The following DPP10 variants were observed in gnomAD, a reference collection of about 807,000 sequenced individuals.
DPP10 encodes the protein dipeptidyl peptidase like 10.
Under a neutral mutation model 120.9 loss-of-function variants are expected in DPP10, and 33 were observed. That is an observed-to-expected ratio of 0.27 (90% CI 0.21 to 0.37). The LOEUF is 0.37. Ranked by LOEUF, DPP10 falls within the 10% of genes least tolerant of loss-of-function variation. DPP10 has a pLI of 1.00. For synonymous variants in DPP10, 337 were observed against 326.1 expected, an observed-to-expected ratio of 1.03 and a Z score of -0.36; for missense variants, 816 against 942.8, an observed-to-expected ratio of 0.87 and a Z score of 1.76.
chr2:115,479,140 T>C (rs570263353), intron 3 of DPP10, among the ~76,000 whole-genome samples: 1 of 152,284 alleles, frequency 6.6e-6, no homozygotes, highest in Admixed American at 6.5e-5. Flanking sequence ...AAAGCTAAAA[T>C]GTGGAAGCAA....
At chr2:114,875,811 G>GAT (rs1411675087) in intron 1 of DPP10, among the ~76,000 whole-genome samples, 1 of 151,972 alleles carries the variant, frequency 6.6e-6, no homozygotes, top group Non-Finnish European at 1.5e-5. Context: ...AATTTAGAGA[G>GAT]ATACTTTAAT....
At chr2:115,731,856 A>G (rs945940493) in intron 8 of DPP10, among the ~76,000 whole-genome samples, 1 of 152,182 alleles carries the variant, frequency 6.6e-6, no homozygotes, top group African/African-American at 2.4e-5. Context: ...AAGGTTTGGC[A>G]GAGGGATGTA....
In DPP10 at chr2:115,490,513, C is replaced by T. The variant is rs115200718; in HGVS notation, c.272-8997C>T. 2.3e-4 allele frequency among the ~76,000 whole-genome samples: 35 copies of T among 152,220 alleles called. No individual in the cohort carries two copies. The East Asian group carries it at 5.6e-3, about 24-fold the overall frequency. ...ATATCAATGGTTTTACCTACAATTCCGATCTCCCTAAAATGTGTAAAACCA... is the reference window on the plus strand; with the variant it reads ...ATATCAATGGTTTTACCTACAATTCTGATCTCCCTAAAATGTGTAAAACCA... On this transcript the variant is annotated intron_variant, in intron 3 of 25. Coordinates refer to ENST00000410059, the MANE Select transcript of DPP10 (RefSeq NM_020868.6).
chr2:114,574,336 C>A (rs1306053344), intron 1 of DPP10, among the ~76,000 whole-genome samples: 1 of 152,152 alleles, frequency 6.6e-6, no homozygotes, highest in Admixed American at 6.5e-5. Flanking sequence ...CCCTCTCTAG[C>A]AGGGTCAGCA....
chr2:115,524,565 G>C (rs1480725551), intron 4 of DPP10, among the ~76,000 whole-genome samples: 1 of 152,006 alleles, frequency 6.6e-6, no homozygotes, highest in Non-Finnish European at 1.5e-5. Context: ...CATCACTTAG[G>C]CATGATTTAT....
At chr2:115,485,192 T>G (rs2075694021) in intron 3 of DPP10, among the ~76,000 whole-genome samples, 1 of 151,396 alleles carries the variant, frequency 6.6e-6, no homozygotes, top group African/African-American at 2.4e-5. Flanking sequence ...TCATCAGCAT[T>G]TTTTCTTAAT....
At chr2:114,649,300 C>T (rs78970971) in intron 1 of DPP10, among the ~76,000 whole-genome samples, 13,687 of 152,036 alleles carry the variant, frequency 0.09, 933 homozygotes, top group Admixed American at 0.2. Flanking sequence ...ACTTGGGTTT[C>T]GCCACCCCAG....
intron 7 of DPP10, among the ~76,000 whole-genome samples, chr2:115,724,430 A>G (rs1001658643): frequency 6.6e-6 from 1 of 152,220 alleles, no homozygotes; most frequent in African/African-American, 2.4e-5. Context: ...AATGAGCAAC[A>G]TTGACTAACA....
intron 5 of DPP10, among the ~76,000 whole-genome samples, chr2:115,578,385 A>AC (rs1245851499): frequency 1.3e-5 from 2 of 151,402 alleles, no homozygotes; most frequent in African/African-American, 4.9e-5. Context: ...CACACACACA[A>AC]CCCCCCACCC....
chr2:115,210,702 A>G (rs573796074), intron 1 of DPP10, among the ~76,000 whole-genome samples: 3 of 152,172 alleles, frequency 2.0e-5, no homozygotes, highest in Admixed American at 2.0e-4. Flanking sequence ...CTTTTTAATG[A>G]TCACCATTCT....
chr2:115,538,779 A>G (rs903065138), intron 5 of DPP10, among the ~76,000 whole-genome samples: 2 of 152,124 alleles, frequency 1.3e-5, no homozygotes, highest in South Asian at 2.1e-4. Flanking sequence ...CCGTGTGCCA[A>G]TACTGCAGTC....
chr2:115,383,289 A>C (rs905842884), intron 3 of DPP10, among the ~76,000 whole-genome samples: 2 of 152,178 alleles, frequency 1.3e-5, no homozygotes, highest in African/African-American at 4.8e-5. Flanking sequence ...TAAGTCTCAC[A>C]AGATATGATG....
intron 21 of DPP10, among the ~76,000 whole-genome samples, chr2:115,827,447 T>TAG (rs1388130768): frequency 0.14 from 18,005 of 125,518 alleles, 2,007 homozygotes; most frequent in Admixed American, 0.27. Context: ...TATATATATA[T>TAG]GCTCTACAGT....
rs193103388 is a variant in DPP10, at chr2:114,657,140, T to C, written c.60+214302T>C. Among the ~76,000 whole-genome samples the C allele has an allele frequency of 3.0e-3, 453 of 152,240 alleles. 3 individuals are homozygous for C. Among genetic ancestry groups the C allele is most frequent in the African/African-American group, 0.011 (438 of 41,568 alleles). On this transcript the variant is annotated intron_variant, in intron 1 of 25. Coordinates refer to ENST00000410059, the MANE Select transcript of DPP10 (RefSeq NM_020868.6). ...ATTTCGACTTCCTGCTAATTCTTTA[T>C]ACAACCAGGCCTATATCTTTTAAGA...
chr2:115,772,194 T>C (rs1452498101), intron 13 of DPP10, among the ~76,000 whole-genome samples: 2 of 152,194 alleles, frequency 1.3e-5, no homozygotes, highest in Non-Finnish European at 2.9e-5. Flanking sequence ...CAATGCTAAA[T>C]AATTTTGAAA....
chr2:115,722,329 G>T (rs772113589), intron 7 of DPP10, among the ~76,000 whole-genome samples: 13 of 151,324 alleles, frequency 8.6e-5, no homozygotes, highest in Non-Finnish European at 1.9e-4. Context: ...TTCCACTTCT[G>T]TACCCCACTG....
At chr2:114,480,600 C>T (rs1418126596) in intron 1 of DPP10, among the ~76,000 whole-genome samples, 1 of 150,932 alleles carries the variant, frequency 6.6e-6, no homozygotes, top group Non-Finnish European at 1.5e-5. Context: ...AGCAAACTAT[C>T]GCAAGGACAA....
At chr2:115,324,979 C>T (rs1163001622) in intron 2 of DPP10, among the ~76,000 whole-genome samples, 1 of 152,072 alleles carries the variant, frequency 6.6e-6, no homozygotes, top group Non-Finnish European at 1.5e-5. Context: ...ACACGCACAA[C>T]ATTATGCTCT....
chr2:115,477,245 G>A (rs1839134), intron 3 of DPP10, among the ~76,000 whole-genome samples: 147,501 of 152,240 alleles, frequency 0.97, 71,632 homozygotes, highest in East Asian at 1. Flanking sequence ...TACACATGAT[G>A]TGGTCTTAGA....
Sources: allele counts gnomAD v4.1 joint callset (sites outside exome capture counted in the v4.1 genomes callset), GRCh38; gene constraint gnomAD v4.1.1; transcripts MANE v1.5; gene names NCBI Gene and HGNC (gene_info 2026-07-23, HGNC 2026-07-21).